The following MICALL2 variants were observed in gnomAD, a reference collection of about 807,000 sequenced individuals.
MICALL2 encodes the protein MICAL-like protein 2.
A neutral mutation model predicts 91.1 loss-of-function variants in MICALL2; 111 were observed. That is an observed-to-expected ratio of 1.22 (90% confidence interval 1.04 to 1.43). The LOEUF is 1.43. MICALL2 is among the 40% of genes most tolerant of loss of function. The pLI is 0.00. For missense variants in MICALL2, 1,556 were observed against 1,236.0 expected, an observed-to-expected ratio of 1.26 and a Z score of -3.88; for synonymous variants, 694 against 525.3, an observed-to-expected ratio of 1.32 and a Z score of -4.39.
intron 5 of MICALL2, 86 bp downstream of exon 5, chr7:1,446,627 A>C: frequency 1.2e-6 from 1 of 823,874 alleles, no homozygotes; most frequent in Non-Finnish European, 1.9e-6. Flanking sequence ...GGGGAGGAGG[A>C]GGCCGGGTGG....
intron 7 of MICALL2, 174 bp downstream of exon 7, chr7:1,442,018 G>C: frequency 1.3e-6 from 1 of 749,066 alleles, no homozygotes; most frequent in Non-Finnish European, 2.2e-6. Flanking sequence ...ACCACACAGA[G>C]AGCGCACCAG....
intron 1 of MICALL2, among the ~76,000 whole-genome samples, chr7:1,456,771 T>C (rs1781035436): frequency 6.6e-6 from 1 of 151,964 alleles, no homozygotes; most frequent in South Asian, 2.1e-4. Flanking sequence ...ACTCCAACTC[T>C]GGAATAAAAG....
intron 8 of MICALL2, 196 bp from the exon 9 acceptor site, chr7:1,440,281 G>A (rs999257159): frequency 2.2e-5 from 15 of 695,262 alleles, no homozygotes; most frequent in Non-Finnish European, 3.3e-5. Context: ...CTGCCGTGGT[G>A]CGAAGCAGAT....
At chr7:1,455,373 C>CG (rs1447064132) in intron 1 of MICALL2, among the ~76,000 whole-genome samples, 1 of 152,172 alleles carries the variant, frequency 6.6e-6, no homozygotes, top group African/African-American at 2.4e-5. Context: ...AAACAGCGCC[C>CG]GGGGGCAGGC....
At chr7:1,449,736 C>T (rs866187767) in intron 2 of MICALL2, among the ~76,000 whole-genome samples, 4 of 152,322 alleles carry the variant, frequency 2.6e-5, no homozygotes, top group African/African-American at 7.2e-5. Context: ...CCTCTGCCCA[C>T]GAGGGAGCGT....
chr7:1,438,061 A>T, intron 12 of MICALL2, 36 bp downstream of exon 12: 1 of 1,565,976 alleles, frequency 6.4e-7, no homozygotes, highest in Non-Finnish European at 8.6e-7. Context: ...TGTCTGTGGG[A>T]GTCGGGCTGG....
In MICALL2 at chr7:1,434,639, G is replaced by C; in HGVS notation, c.2672C>G (p.Ser891Cys). 6.3e-7 allele frequency: 1 copy of C among 1,576,748 alleles called. No homozygotes were observed. Among genetic ancestry groups the C allele is most frequent in the Non-Finnish European group, 8.6e-7 (1 of 1,165,402 alleles). Residue 891 changes from serine (S) to cysteine (C), a missense_variant, in exon 17 of 17, where the codon TCC (serine) becomes TGC (cysteine). Ser to Cys is a moderately radical substitution (Grantham distance 112, BLOSUM62 -1). Transcript: ENST00000297508. The part of the protein sequence containing the change: ...LQRKKSKFRL[S>C]KIWSPKSKSS... ...TTTGCTTTTTGGTGACCAGATCTTGGACAAGCGGAACTTGGACTTCTTCCT... is the reference window on the plus strand; with the variant it reads ...TTTGCTTTTTGGTGACCAGATCTTGCACAAGCGGAACTTGGACTTCTTCCT...
At chr7:1,450,467 G>A (rs1935849895) in intron 1 of MICALL2, 179 bp from the exon 2 acceptor site, 3 of 616,364 alleles carry the variant, frequency 4.9e-6, no homozygotes, top group East Asian at 2.8e-5. Flanking sequence ...CCCTGCTCCG[G>A]CCACGGTGAT....
chr7:1,453,643 C>A (rs1268766644), intron 1 of MICALL2, among the ~76,000 whole-genome samples: 1 of 152,178 alleles, frequency 6.6e-6, no homozygotes, highest in Non-Finnish European at 1.5e-5. Context: ...ACGGCTGGAA[C>A]TGGGACACAG....
At chr7:1,457,161 A>G (rs1229769347) in intron 1 of MICALL2, among the ~76,000 whole-genome samples, 1 of 152,146 alleles carries the variant, frequency 6.6e-6, no homozygotes, top group East Asian at 1.9e-4. Context: ...GTCCTTCTGC[A>G]CGTGGGCACC....
chr7:1,438,874 C>G lies in MICALL2; in HGVS notation c.2088G>C (p.Glu696Asp), dbSNP rs769094309. The part of the protein sequence containing the change: ...GQEARVQSWK[E>D]EEKKPHLQGK... ...CCTGAAGGTGAGGTTTCTTCTCCTCCTCCTTCCAGCTCTGCACTCGGGCTT... is the reference window on the plus strand; with the variant it reads ...CCTGAAGGTGAGGTTTCTTCTCCTCGTCCTTCCAGCTCTGCACTCGGGCTT... Residue 696 changes from glutamate (E) to aspartate (D), a missense_variant, in exon 10 of 17, where the codon GAG becomes GAC. Physicochemically the swap from Glu to Asp is conservative, Grantham distance 45. Coordinates refer to ENST00000297508, the MANE Select transcript of MICALL2 (RefSeq NM_182924.4). 1 of 1,610,072 alleles carries G rather than the reference C, an allele frequency of 6.2e-7. No homozygotes were observed. Among genetic ancestry groups the G allele is most frequent in the South Asian group, 1.1e-5 (1 of 91,042 alleles).
chr7:1,439,221 C>A (rs113219677), intron 9 of MICALL2: 8 of 532,564 alleles, frequency 1.5e-5, no homozygotes, highest in African/African-American at 1.1e-4. Context: ...TGCTCAAGGT[C>A]ACACAGGAAG....
At chr7:1,437,344 G>A (rs1423085061) in intron 14 of MICALL2, 191 bp downstream of exon 14, 1 of 581,720 alleles carries the variant, frequency 1.7e-6, no homozygotes, top group Non-Finnish European at 3.0e-6. Flanking sequence ...AGCACAGCAA[G>A]GTTAAGTACC....
At chr7:1,458,353 C>T (rs778474273) in intron 1 of MICALL2, among the ~76,000 whole-genome samples, 2 of 152,242 alleles carry the variant, frequency 1.3e-5, no homozygotes, top group Non-Finnish European at 2.9e-5. Flanking sequence ...CTCAGGAGAA[C>T]GCTTTGCCCA....
At chr7:1,458,702 G>A (rs1309251874) in intron 1 of MICALL2, among the ~76,000 whole-genome samples, 2 of 152,212 alleles carry the variant, frequency 1.3e-5, no homozygotes, top group African/African-American at 4.8e-5. Flanking sequence ...AGCAGCACCT[G>A]GGGTCTGGGG....
chr7:1,455,627 C>T (rs941018354), intron 1 of MICALL2, among the ~76,000 whole-genome samples: 2 of 151,936 alleles, frequency 1.3e-5, no homozygotes, highest in East Asian at 3.9e-4. Context: ...GTCCGGATCC[C>T]CGCCCCCTCC....
chr7:1,437,341 C>T (rs756240883), intron 14 of MICALL2, 194 bp downstream of exon 14: 65 of 576,210 alleles, frequency 1.1e-4, no homozygotes, highest in Non-Finnish European at 1.6e-4. Flanking sequence ...CCAAGCACAG[C>T]AAGGTTAAGT....
At chr7:1,440,844 G>A (rs758680123) in intron 7 of MICALL2, 160 bp from the exon 8 acceptor site, 1 of 626,964 alleles carries the variant, frequency 1.6e-6, no homozygotes, top group Non-Finnish European at 2.9e-6. Context: ...ACCGGGCAGG[G>A]AGTCAGGGGA....
Position 1,444,729 on chromosome 7 carries a change from G to A in MICALL2, c.1341C>T (p.Ser447=), listed in dbSNP as rs769810157. The A allele has an allele frequency of 5.6e-6, 9 of 1,612,460 alleles. No individual in the cohort carries two copies. The South Asian group carries it at 6.6e-5, about 12-fold the overall frequency. Residue 447 remains serine, a synonymous_variant, in exon 6 of 17, where the codon AGC becomes AGT. Coordinates refer to ENST00000297508, the MANE Select transcript of MICALL2 (RefSeq NM_182924.4). ...PTPSLVLSKD[S]SKEQARNFLK... is the part of the protein sequence containing the mutation. ...GGAAGTTCCGCGCCTGCTCCTTGCT[G>A]CTGTCCTTGGATAGAACAAGTGACG...
Sources: allele counts gnomAD v4.1 joint callset (sites outside exome capture counted in the v4.1 genomes callset), GRCh38; gene constraint gnomAD v4.1.1; transcripts MANE v1.5; gene names NCBI Gene and HGNC (gene_info 2026-07-23, HGNC 2026-07-21).